The following KDM2B variants were observed in gnomAD, a reference collection of about 807,000 sequenced individuals.
KDM2B encodes the protein lysine-specific demethylase 2B.
Under a neutral mutation model 150.0 loss-of-function variants are expected in KDM2B, and 26 were observed. The observed-to-expected ratio is 0.17, with a 90% CI of 0.13 to 0.24. KDM2B has a LOEUF of 0.24. Ranked by LOEUF, KDM2B falls within the 10% of genes least tolerant of loss-of-function variation. KDM2B has a pLI of 1.00. For synonymous variants in KDM2B, 734 were observed against 729.5 expected, an observed-to-expected ratio of 1.01 and a Z score of -0.10; for missense variants, 1,265 against 1,816.9, an observed-to-expected ratio of 0.70 and a Z score of 5.52.
At chr12:121,516,760 A>G in intron 9 of KDM2B, 1 of 657,646 alleles carries the variant, frequency 1.5e-6, no homozygotes, top group East Asian at 2.7e-5. Context: ...TCAGGAGATG[A>G]CAACAAAAGG....
At chr12:121,454,678 C>T (rs545724400) in intron 12 of KDM2B, among the ~76,000 whole-genome samples, 1 of 152,286 alleles carries the variant, frequency 6.6e-6, no homozygotes, top group East Asian at 1.9e-4. Context: ...CGTGGTCACC[C>T]TGGAAACCAG....
chr12:121,453,963 A>G lies in KDM2B; in HGVS notation c.1735-619T>C, dbSNP rs1877788037. Among the ~76,000 whole-genome samples, 2 of 152,108 alleles carry G rather than the reference A, an allele frequency of 1.3e-5. No homozygotes were observed. The highest frequency in any genetic ancestry group is 4.8e-5 in the African/African-American group (2 of 41,424). On this transcript the variant is annotated intron_variant, in intron 12 of 22. Coordinates refer to ENST00000377071, the MANE Select transcript of KDM2B (RefSeq NM_032590.5). This position sits in a 1 kb window ranked among gnomAD's most constrained non-coding sequence, Gnocchi z 6.4. ...CTTTCCCACCTCCGTCTGCTCCCCAAGAAAGACCGCAAGGGGCCACACAAT... is the reference window on the plus strand; with the variant it reads ...CTTTCCCACCTCCGTCTGCTCCCCAGGAAAGACCGCAAGGGGCCACACAAT...
intron 4 of KDM2B, among the ~76,000 whole-genome samples, chr12:121,558,770 T>C (rs1890104110): frequency 6.6e-6 from 1 of 152,074 alleles, no homozygotes; most frequent in Admixed American, 6.6e-5. Flanking sequence ...TTTGTATTTT[T>C]AGTAGAGATG....
rs1339042681 is a variant in KDM2B at position 121,549,840 on chromosome 12, T to C, written c.398-202A>G. On this transcript the variant is annotated intron_variant, in intron 4 of 22. Transcript: ENST00000377071. The surrounding 1 kb of genome is among the most constrained non-coding windows in gnomAD (Gnocchi z 4.4). ...CCCACCTTGCTTCCCTGCACCACCATGGCCTCCACGCCAGTCTGCGATGAC... is the reference window on the plus strand; with the variant it reads ...CCCACCTTGCTTCCCTGCACCACCACGGCCTCCACGCCAGTCTGCGATGAC... 6.8e-6 allele frequency among the ~76,000 whole-genome samples: 1 copy of C among 146,790 alleles called. No individual in the cohort carries two copies. The highest frequency in any genetic ancestry group is 1.5e-5 in the Non-Finnish European group (1 of 66,970).
intron 11 of KDM2B, among the ~76,000 whole-genome samples, chr12:121,505,636 G>T (rs1470138789): frequency 6.6e-6 from 1 of 152,124 alleles, no homozygotes; most frequent in Non-Finnish European, 1.5e-5. Context: ...TGAATTGGGG[G>T]CTGTCTCCAA....
At chr12:121,528,076 C>T (rs1333891606) in intron 8 of KDM2B, among the ~76,000 whole-genome samples, 2 of 152,168 alleles carry the variant, frequency 1.3e-5, no homozygotes, top group Admixed American at 1.3e-4. Context: ...TTACTGTGGC[C>T]TTGATGTCCT....
rs782222178 is a variant in KDM2B, at chr12:121,521,373, C to G, written c.932-273G>C. On this transcript the variant is annotated intron_variant, in intron 8 of 22. Coordinates refer to ENST00000377071, the MANE Select transcript of KDM2B (RefSeq NM_032590.5). The surrounding 1 kb of genome is among the most constrained non-coding windows in gnomAD (Gnocchi z 4.9). ...AGATCAGCCCCCACTTCTTGAGGACCGTGATGACAAAAGCTTCCTCTGGGG... is the reference window on the plus strand; with the variant it reads ...AGATCAGCCCCCACTTCTTGAGGACGGTGATGACAAAAGCTTCCTCTGGGG... Among the ~76,000 whole-genome samples the G allele has an allele frequency of 1.3e-5, 2 of 152,144 alleles. No homozygotes were observed. Among genetic ancestry groups the G allele is most frequent in the Non-Finnish European group, 2.9e-5 (2 of 68,020 alleles).
chr12:121,574,401 G>C, intron 4 of KDM2B, 146 bp downstream of exon 4: 1 of 678,396 alleles, frequency 1.5e-6, no homozygotes. Context: ...AGAATGAAAC[G>C]GTTGCAGCTC....
chr12:121,562,755 G>A (rs1890436004), intron 4 of KDM2B, among the ~76,000 whole-genome samples: 1 of 151,998 alleles, frequency 6.6e-6, no homozygotes, highest in Non-Finnish European at 1.5e-5. Context: ...CCAGGGCCAG[G>A]TGCAGTCCTG....
intron 8 of KDM2B, among the ~76,000 whole-genome samples, chr12:121,526,635 GT>G (rs1468785372): frequency 6.6e-6 from 1 of 152,096 alleles, no homozygotes; most frequent in African/African-American, 2.4e-5. Context: ...TAGGACGATT[GT>G]TTAAGCCCAG....
chr12:121,439,426 G>T (rs932186473), intron 22 of KDM2B, among the ~76,000 whole-genome samples: 1 of 147,842 alleles, frequency 6.8e-6, no homozygotes, highest in Non-Finnish European at 1.5e-5. Flanking sequence ...TGTCACATAG[G>T]CTGGAGTGCA....
Position 121,520,974 on chromosome 12 carries a change from A to C in KDM2B, c.1047+11T>G. The C allele has an allele frequency of 6.2e-7, 1 of 1,608,890 alleles. No individual in the cohort carries two copies. Among genetic ancestry groups the C allele is most frequent in the Non-Finnish European group, 8.5e-7 (1 of 1,175,470 alleles). Reference sequence around the variant, plus strand: ...AGGCGCGCACGCGAGGACAGAAGGGAACCTCCTTACCCGCGTCCTGTCCTC... The same window carrying C: ...AGGCGCGCACGCGAGGACAGAAGGGCACCTCCTTACCCGCGTCCTGTCCTC... On this transcript the variant is annotated intron_variant, in intron 9 of 22. Coordinates refer to ENST00000377071, the MANE Select transcript of KDM2B (RefSeq NM_032590.5). The surrounding 1 kb of genome is among the most constrained non-coding windows in gnomAD (Gnocchi z 4.5).
chr12:121,469,770 G>T (rs1362105550), intron 12 of KDM2B: 1 of 151,888 alleles, frequency 6.6e-6, no homozygotes, highest in Admixed American at 6.6e-5. Context: ...GCCTACAGGG[G>T]TATAGAGTCA....
intron 2 of KDM2B, among the ~76,000 whole-genome samples, chr12:121,576,526 C>A (rs920784093): frequency 6.6e-6 from 1 of 152,114 alleles, no homozygotes; most frequent in African/African-American, 2.4e-5. Context: ...GAGGGAGGCT[C>A]CCCAGGGGAA....
chr12:121,413,528 C>T, the KDM2B span, among the ~76,000 whole-genome samples: 1 of 149,020 alleles, frequency 6.7e-6, no homozygotes, highest in East Asian at 2.0e-4. Context: ...TCTCCTGCCT[C>T]AGCCTCCCGA....
At chr12:121,416,640 T>C in the KDM2B span, 1 of 311,970 alleles carries the variant, frequency 3.2e-6, no homozygotes, top group East Asian at 6.9e-5. Context: ...ATTATGTTTA[T>C]TTCCAAAAGC....
chr12:121,512,449 T>C (rs1555304175), intron 10 of KDM2B, among the ~76,000 whole-genome samples: 2 of 151,290 alleles, frequency 1.3e-5, no homozygotes, highest in Non-Finnish European at 2.9e-5. Flanking sequence ...AATCTAAAAA[T>C]CCTAGAGGCT....
At position 121,518,643 on chromosome 12, in the gene KDM2B, G is replaced by A. The variant is rs1442914680; in HGVS notation, c.1047+2342C>T. Among the ~76,000 whole-genome samples the A allele has an allele frequency of 1.3e-5, 2 of 152,218 alleles. No individual in the cohort carries two copies. The highest frequency in any genetic ancestry group is 2.9e-5 in the Non-Finnish European group (2 of 68,048). On this transcript the variant is annotated intron_variant, in intron 9 of 22. Coordinates refer to ENST00000377071, the MANE Select transcript of KDM2B (RefSeq NM_032590.5). The surrounding 1 kb of genome is among the most constrained non-coding windows in gnomAD (Gnocchi z 4.4). ...TGGGGGAAGGGACCTGGGCTCCTAA[G>A]GGAACCATGGGGCCCAAATCCGCTG...
At chr12:121,478,663 C>T (rs1176802727) in intron 12 of KDM2B, among the ~76,000 whole-genome samples, 4 of 151,470 alleles carry the variant, frequency 2.6e-5, no homozygotes, top group Non-Finnish European at 5.9e-5. Context: ...CCAGCTGACC[C>T]CAATTATTTA....
Sources: allele counts gnomAD v4.1 joint callset (sites outside exome capture counted in the v4.1 genomes callset), GRCh38; gene constraint gnomAD v4.1.1; non-coding constraint Gnocchi (gnomAD v3.1); transcripts MANE v1.5; gene names NCBI Gene and HGNC (gene_info 2026-07-23, HGNC 2026-07-21).